SLAMF7: variants seen among roughly 807,000 people sequenced by gnomAD.
SLAMF7 encodes SLAM family member 7, also known as 19A24 protein.
Under a neutral mutation model 34.1 loss-of-function variants are expected in SLAMF7, and 26 were observed. The observed-to-expected ratio is 0.76, with a 90% CI of 0.56 to 1.06. The LOEUF is 1.06. Ranked by LOEUF, SLAMF7 falls within the 50% of genes least tolerant of loss-of-function variation. SLAMF7 has a pLI of 0.00. For synonymous variants in SLAMF7, 171 were observed against 156.4 expected, an observed-to-expected ratio of 1.09 and a Z score of -0.70; for missense variants, 399 against 402.5, an observed-to-expected ratio of 0.99 and a Z score of 0.07.
intron 1 of SLAMF7, among the ~76,000 whole-genome samples, chr1:160,740,381 GACTT>G (rs1363841888): frequency 6.6e-6 from 1 of 152,050 alleles, no homozygotes; most frequent in Non-Finnish European, 1.5e-5. Flanking sequence ...AAATTATAGA[GACTT>G]TGAAAGCTAC....
At chr1:160,741,504 C>G (rs1390731085) in intron 1 of SLAMF7, among the ~76,000 whole-genome samples, 1 of 152,024 alleles carries the variant, frequency 6.6e-6, no homozygotes, top group African/African-American at 2.4e-5. Flanking sequence ...TGAGTACATT[C>G]GTTAAGGGGG....
chr1:160,746,302 G>A (rs115053832), intron 1 of SLAMF7, among the ~76,000 whole-genome samples: 1,742 of 152,272 alleles, frequency 0.011, 26 homozygotes, highest in African/African-American at 0.04. Flanking sequence ...TCTTATGGAA[G>A]AAGGACCAAC....
chr1:160,747,504 A>G (rs1315149924), intron 1 of SLAMF7, among the ~76,000 whole-genome samples: 2 of 151,948 alleles, frequency 1.3e-5, no homozygotes, highest in African/African-American at 2.4e-5. Flanking sequence ...CATGGTGAAA[A>G]CCCCACCTCT....
chr1:160,748,679 C>A (rs1664322084), intron 2 of SLAMF7, among the ~76,000 whole-genome samples, 165 bp downstream of exon 2: 1 of 152,180 alleles, frequency 6.6e-6, no homozygotes, highest in Non-Finnish European at 1.5e-5. Context: ...AGGTCCCTGC[C>A]TACTCAGAGA....
At chr1:160,745,175 C>T (rs1303417165) in intron 1 of SLAMF7, among the ~76,000 whole-genome samples, 1 of 152,164 alleles carries the variant, frequency 6.6e-6, no homozygotes, top group East Asian at 1.9e-4. Context: ...GCAGAGACTT[C>T]AGATCTGTAA....
Position 160,753,981 on chromosome 1 carries a change from A to G in SLAMF7, c.*804A>G, listed in dbSNP as rs1664830290. On this transcript the variant is annotated 3_prime_UTR_variant, in exon 7 of 7. Transcript: ENST00000368043. ...TTTATGCACTTGTGCTGCAAAAGAA[A>G]AGTCTAGGTTTTAAGGCTGTGCCAG... 6.6e-6 allele frequency: 1 copy of G among 152,458 alleles called. No individual in the cohort carries two copies. The highest frequency in any genetic ancestry group is 2.4e-5 in the African/African-American group (1 of 41,442). 9.4% of individuals were successfully genotyped at this position (152,458 alleles called of 1,614,324 possible).
intron 1 of SLAMF7, 140 bp from the exon 2 acceptor site, chr1:160,748,054 T>G: frequency 2.8e-6 from 2 of 724,560 alleles, no homozygotes; most frequent in Non-Finnish European, 4.6e-6. Flanking sequence ...GACCTCTATA[T>G]GAGGTTCCAA....
At position 160,752,198 on chromosome 1, in the gene SLAMF7, AAGGAAGATCC is replaced by A. The variant is rs750499117; in HGVS notation, c.889_898del (p.Glu297GlnfsTer73). The A allele has an allele frequency of 6.2e-7, 1 of 1,613,180 alleles. No homozygotes were observed. The highest frequency in any genetic ancestry group is 2.2e-5 in the East Asian group (1 of 44,818). ...TTGTTTTTAAAAGAGAACAATCCTA[AAGGAAGATCC>A]AGCAAATACGGTTTACTCCACTGTG... On this transcript the variant is annotated frameshift_variant, in exon 6 of 7. Coordinates refer to ENST00000368043, the MANE Select transcript of SLAMF7 (RefSeq NM_021181.5). LOFTEE classifies it low-confidence loss of function (END_TRUNC).
intron 6 of SLAMF7, 141 bp downstream of exon 6, chr1:160,752,389 C>G (rs1025128976): frequency 1.6e-6 from 1 of 632,530 alleles, no homozygotes; most frequent in African/African-American, 1.9e-5. Flanking sequence ...ATTCCCTTTG[C>G]TTAGGGTTAT....
In SLAMF7 at chr1:160,753,144, A is replaced by G. The variant is rs1247887785; in HGVS notation, c.975A>G (p.Thr325=). The G allele has an allele frequency of 6.2e-7, 1 of 1,613,506 alleles. No homozygotes were observed. Among genetic ancestry groups the G allele is most frequent in the Admixed American group, 1.7e-5 (1 of 60,004 alleles). ...NPHSLLTMPD[T]PRLFAYENVI is the part of the protein sequence containing the mutation. ...ACTCACTGCTCACGATGCCAGACAC[A>G]CCAAGGCTATTTGCCTATGAGAATG... The change falls in exon 7 of 7, where the codon ACA becomes ACG. Residue 325 remains threonine (T), a synonymous_variant. Coordinates refer to ENST00000368043, the MANE Select transcript of SLAMF7 (RefSeq NM_021181.5).
rs559074798 is a variant in SLAMF7 at position 160,749,498 on chromosome 1, C to T, written c.377-323C>T. On this transcript the variant is annotated intron_variant, in intron 2 of 6. Transcript: ENST00000368043. ...GACAGAGACTAGGGAACCTCTAGAA[C>T]AGATAATATTAGCGGACATCTAACA... 2.3e-3 allele frequency among the ~76,000 whole-genome samples: 347 copies of T among 152,342 alleles called. 1 individual carries two copies. The highest frequency in any genetic ancestry group is 8.1e-3 in the African/African-American group (336 of 41,584).
At chr1:160,746,072 G>GACACAGAA (rs1664105474) in intron 1 of SLAMF7, among the ~76,000 whole-genome samples, 1 of 152,214 alleles carries the variant, frequency 6.6e-6, no homozygotes, top group South Asian at 2.1e-4. Flanking sequence ...AGAGCAGGCT[G>GACACAGAA]TGAAATGAAA....
At chr1:160,747,357 A>G (rs1664214982) in intron 1 of SLAMF7, among the ~76,000 whole-genome samples, 1 of 152,148 alleles carries the variant, frequency 6.6e-6, no homozygotes, top group East Asian at 1.9e-4. Context: ...ATAGGGATAT[A>G]AAGAATGTTT....
intron 1 of SLAMF7, among the ~76,000 whole-genome samples, chr1:160,743,106 A>G (rs1663872326): frequency 6.6e-6 from 1 of 152,192 alleles, no homozygotes; most frequent in African/African-American, 2.4e-5. Flanking sequence ...CCTGTGGACC[A>G]ATCATTGGCT....
chr1:160,739,189 C>A, upstream of SLAMF7: 2 of 918,570 alleles, frequency 2.2e-6, no homozygotes, highest in Non-Finnish European at 3.6e-6. Flanking sequence ...CTCAATCTCA[C>A]ATGTCTGCGG....
Position 160,753,437 on chromosome 1 carries a change from T to A in SLAMF7, c.*260T>A. On this transcript the variant is annotated 3_prime_UTR_variant, in exon 7 of 7. Coordinates refer to ENST00000368043, the MANE Select transcript of SLAMF7 (RefSeq NM_021181.5). ...TGGGATTGTGAATGTCAGCAAACCA[T>A]AAAAAAAGTGCTTAGAAGTATTCCT... 2.0e-6 allele frequency: 1 copy of A among 496,160 alleles called. No individual in the cohort carries two copies. The highest frequency in any genetic ancestry group is 3.6e-6 in the Non-Finnish European group (1 of 278,118). 30.7% of individuals were successfully genotyped at this position (496,160 alleles called of 1,614,324 possible).
intron 1 of SLAMF7, among the ~76,000 whole-genome samples, chr1:160,741,968 G>T (rs1201784171): frequency 6.6e-6 from 1 of 152,050 alleles, no homozygotes; most frequent in Admixed American, 6.5e-5. Flanking sequence ...ACAACACACT[G>T]CTACATTTGG....
chr1:160,749,595 TC>T (rs1664394135), intron 2 of SLAMF7, among the ~76,000 whole-genome samples: 1 of 151,982 alleles, frequency 6.6e-6, no homozygotes, highest in African/African-American at 2.4e-5. Context: ...CATTATTATT[TC>T]TATTATTTCT....
In SLAMF7 at chr1:160,751,346, G is replaced by A. The variant is rs558134316; in HGVS notation, c.771G>A (p.Glu257=). 149 of 1,612,050 alleles carry A rather than the reference G, an allele frequency of 9.2e-5. 2 individuals carry two copies. The South Asian group carries it at 1.5e-3, about 16-fold the overall frequency. ...GATTCTCTCCCAACTTGCTTTTAGA[G>A]TACATTGAAGAGAAGAAGAGAGTGG... ...LWFLKRERQE[E]YIEEKKRVDI... The change falls in exon 5 of 7, where the codon GAG becomes GAA. Residue 257 remains glutamate, a splice_region_variant and synonymous_variant. Coordinates refer to ENST00000368043, the MANE Select transcript of SLAMF7 (RefSeq NM_021181.5).
Sources: allele counts gnomAD v4.1 joint callset (sites outside exome capture counted in the v4.1 genomes callset), GRCh38; gene constraint gnomAD v4.1.1; transcripts MANE v1.5; gene names NCBI Gene and HGNC (gene_info 2026-07-23, HGNC 2026-07-21).